Variants in PPAT observed in about 807,000 individuals in gnomAD.
PPAT encodes phosphoribosyl pyrophosphate amidotransferase.
In PPAT, 20 loss-of-function variants were observed where a neutral mutation model predicts 60.2. That is an observed-to-expected ratio of 0.33 (90% CI 0.23 to 0.48). The LOEUF is 0.48. Among genes scored for constraint, PPAT ranks in the 20% least tolerant of loss-of-function variants. The pLI, the probability that PPAT is intolerant of heterozygous loss-of-function variation, is 0.99. For missense variants in PPAT, 349 were observed against 629.6 expected (o/e 0.55, Z 4.77); for synonymous variants, 194 against 215.1 (o/e 0.90, Z 0.86).
intron 1 of PPAT, among the ~76,000 whole-genome samples, chr4:56,428,141 A>G (rs1341005842): frequency 1.3e-5 from 2 of 152,324 alleles, no homozygotes; most frequent in Middle Eastern, 3.4e-3. Context: ...TGAAGTTATT[A>G]TTGTATTCTT....
intron 1 of PPAT, chr4:56,410,975 A>T: frequency 1.1e-6 from 1 of 933,112 alleles, no homozygotes; most frequent in Non-Finnish European, 1.3e-6. Flanking sequence ...TATGAACTGT[A>T]AAAGTTCAGG....
intron 3 of PPAT, among the ~76,000 whole-genome samples, chr4:56,404,331 T>G (rs950828046): frequency 6.6e-5 from 10 of 152,218 alleles, no homozygotes; most frequent in African/African-American, 2.4e-4. Context: ...AAGCTGGGTT[T>G]GTTAGTGATC....
rs535144488 is a variant in PPAT at position 56,398,600 on chromosome 4, C to T, written c.1236+579G>A. Among the ~76,000 whole-genome samples the T allele has an allele frequency of 5.3e-5, 8 of 150,056 alleles. No homozygotes were observed. In the East Asian group the frequency reaches 1.4e-3, roughly 27 times the overall value. On this transcript the variant is annotated intron_variant, in intron 9 of 10. Coordinates refer to ENST00000264220, the MANE Select transcript of PPAT (RefSeq NM_002703.5). ...AAGTAGCTGGAATTACAGGTGTGTGCCACCACGCCCCACCCATTTTTTGTA... is the reference window on the plus strand; with the variant it reads ...AAGTAGCTGGAATTACAGGTGTGTGTCACCACGCCCCACCCATTTTTTGTA...
intron 1 of PPAT, chr4:56,429,026 A>T (rs1382699696): frequency 1.2e-6 from 1 of 855,156 alleles, no homozygotes; most frequent in Non-Finnish European, 1.4e-6. Flanking sequence ...GAGAAATAAC[A>T]AGTTCTTCCA....
At chr4:56,405,424 A>C (rs1716220661) in intron 3 of PPAT, among the ~76,000 whole-genome samples, 1 of 152,164 alleles carries the variant, frequency 6.6e-6, no homozygotes, top group African/African-American at 2.4e-5. Context: ...TGCTGTTGAG[A>C]TGACTGGTAG....
At position 56,401,367 on chromosome 4, in the gene PPAT, T is replaced by C; in HGVS notation, c.849A>G (p.Glu283=). Residue 283 remains glutamate (E), a synonymous_variant, in exon 7 of 11, where the codon GAA becomes GAG. Coordinates refer to ENST00000264220, the MANE Select transcript of PPAT (RefSeq NM_002703.5). ...TGTCTGGTCTTGCAAAATAAACATA[T>C]TCAAAGATACAAAAAGCCACTGGGT... ...EGNPVAFCIF[E]YVYFARPDSM... is the part of the protein sequence containing the mutation. 1 of 1,605,444 alleles carries C rather than the reference T, an allele frequency of 6.2e-7. No individual in the cohort carries two copies. The highest frequency in any genetic ancestry group is 8.5e-7 in the Non-Finnish European group (1 of 1,176,788).
At chr4:56,403,986 C>A in intron 3 of PPAT, 1 of 432,150 alleles carries the variant, frequency 2.3e-6, no homozygotes. Flanking sequence ...TTACCACTCA[C>A]CTCCTGCTGT....
At chr4:56,395,911 A>T (rs1408496534) in intron 10 of PPAT, among the ~76,000 whole-genome samples, 1 of 152,182 alleles carries the variant, frequency 6.6e-6, no homozygotes, top group Non-Finnish European at 1.5e-5. Context: ...CTATTTTTTC[A>T]TCTATATAAG....
chr4:56,402,931 G>A (rs1027842625), intron 5 of PPAT, 109 bp downstream of exon 5: 6 of 941,632 alleles, frequency 6.4e-6, no homozygotes, highest in Admixed American at 6.6e-5. Flanking sequence ...TTCTTACCTA[G>A]CTCCCTCCCA....
chr4:56,426,257 T>A (rs996278824), intron 1 of PPAT, among the ~76,000 whole-genome samples: 6 of 151,974 alleles, frequency 3.9e-5, no homozygotes, highest in Non-Finnish European at 8.8e-5. Flanking sequence ...AAAAATTAGC[T>A]GGGCGTGGTG....
chr4:56,434,367 C>T (rs898781634), intron 1 of PPAT, among the ~76,000 whole-genome samples: 9 of 152,198 alleles, frequency 5.9e-5, no homozygotes, highest in Non-Finnish European at 8.8e-5. Context: ...TGCCAAGTTC[C>T]TTAACTGTAG....
rs1225300952 is a variant in PPAT, at chr4:56,393,400, TCA to T, written c.*1950_*1951del. 1 of 151,472 alleles carries T rather than the reference TCA, an allele frequency of 6.6e-6. No individual in the cohort carries two copies. Among genetic ancestry groups the T allele is most frequent in the African/African-American group, 2.4e-5 (1 of 41,202 alleles). 9.4% of individuals were successfully genotyped at this position (151,472 alleles called of 1,614,324 possible). A position where few individuals can be genotyped will look rare whatever the true frequency, so the allele number is the denominator to read the frequency against. ...ATTACACATATTTATCAACAAGGCA[TCA>T]CAAATAAGTCACAAAAAGTAGGCTT... On this transcript the variant is annotated 3_prime_UTR_variant, in exon 11 of 11. Transcript: ENST00000264220.
At chr4:56,408,670 C>T (rs1173143735) in intron 1 of PPAT, among the ~76,000 whole-genome samples, 17 of 148,388 alleles carry the variant, frequency 1.1e-4, no homozygotes, top group African/African-American at 4.0e-4. Context: ...AGGAGAACGG[C>T]GTGAACCCAG....
chr4:56,418,834 T>C (rs146968888), intron 1 of PPAT, among the ~76,000 whole-genome samples: 8 of 152,304 alleles, frequency 5.3e-5, no homozygotes, highest in Non-Finnish European at 1.0e-4. Flanking sequence ...ATAAAACTGT[T>C]CTAGAGACCT....
At position 56,396,752 on chromosome 4, in the gene PPAT, T is replaced by TCATTGC; in HGVS notation, c.1237-19_1237-14dup. ...CTCGAATGTGTACCTTGGAAAGAAA[T>TCATTGC]CATTGCACACAAGGTTTTTAAGACT... On this transcript the variant is annotated splice_polypyrimidine_tract_variant and intron_variant, in intron 9 of 10. Transcript: ENST00000264220. The surrounding 1 kb of genome is among the most constrained non-coding windows in gnomAD (Gnocchi z 4.6). 1.2e-6 allele frequency: 2 copies of TCATTGC among 1,604,584 alleles called. No homozygotes were observed. Among genetic ancestry groups the TCATTGC allele is most frequent in the South Asian group, 2.3e-5 (2 of 88,614 alleles).
rs1298528219 is a variant in PPAT at position 56,394,068 on chromosome 4, CAT to C, written c.*1282_*1283del. 1 of 152,074 alleles carries C rather than the reference CAT, an allele frequency of 6.6e-6. No homozygotes were observed. The highest frequency in any genetic ancestry group is 1.5e-5 in the Non-Finnish European group (1 of 68,002). 9.4% of individuals were successfully genotyped at this position (152,074 alleles called of 1,614,324 possible). A position where few individuals can be genotyped will look rare whatever the true frequency, so the allele number is the denominator to read the frequency against. ...CACTATATACATCAAATTATGGTAA[CAT>C]AACAGAAACAAACACTTTTATGTTT... is the stretch of plus-strand genomic sequence containing the variant. On this transcript the variant is annotated 3_prime_UTR_variant, in exon 11 of 11. Coordinates refer to ENST00000264220, the MANE Select transcript of PPAT (RefSeq NM_002703.5).
At chr4:56,435,250 G>A in intron 1 of PPAT, 100 bp downstream of exon 1, 1 of 1,547,244 alleles carries the variant, frequency 6.5e-7, no homozygotes, top group Non-Finnish European at 8.8e-7. Context: ...GGAGAGGTCG[G>A]TCCTCCCGGG....
chr4:56,416,171 T>A (rs1716732633), intron 1 of PPAT, among the ~76,000 whole-genome samples: 1 of 152,082 alleles, frequency 6.6e-6, no homozygotes, highest in African/African-American at 2.4e-5. Flanking sequence ...AAATGGACCA[T>A]GTCAATGGGA....
At chr4:56,424,414 AG>A (rs1717190997) in intron 1 of PPAT, among the ~76,000 whole-genome samples, 1 of 152,318 alleles carries the variant, frequency 6.6e-6, no homozygotes, top group African/African-American at 2.4e-5. Flanking sequence ...AGACCAGCAG[AG>A]GACTGATTCA....
Sources: allele counts gnomAD v4.1 joint callset (sites outside exome capture counted in the v4.1 genomes callset), GRCh38; gene constraint gnomAD v4.1.1; non-coding constraint Gnocchi (gnomAD v3.1); transcripts MANE v1.5; gene names NCBI Gene and HGNC (gene_info 2026-07-23, HGNC 2026-07-21).